The following CLNK variants were observed in gnomAD, a reference collection of about 807,000 sequenced individuals.
CLNK encodes the protein cytokine dependent hematopoietic cell linker.
Under a neutral mutation model 68.6 loss-of-function variants are expected in CLNK, and 74 were observed. That is an observed-to-expected ratio of 1.08 (90% CI 0.89 to 1.31). CLNK has a LOEUF of 1.31. Among genes scored for constraint, CLNK ranks in the 50% most tolerant of loss-of-function variants. The pLI is 0.00. For synonymous variants in CLNK, 198 were observed against 172.2 expected, an observed-to-expected ratio of 1.15 and a Z score of -1.17; for missense variants, 553 against 515.3, an observed-to-expected ratio of 1.07 and a Z score of -0.71.
At chr4:10,500,763 C>G (rs1054131280) in intron 18 of CLNK, among the ~76,000 whole-genome samples, 1 of 151,992 alleles carries the variant, frequency 6.6e-6, no homozygotes, top group Non-Finnish European at 1.5e-5. Flanking sequence ...ATGTTATTCA[C>G]GAATATTTTA....
rs1720035421 is a variant in CLNK at position 10,564,729 on chromosome 4, G to A, written c.341C>T (p.Thr114Ile). The A allele has an allele frequency of 6.2e-7, 1 of 1,613,704 alleles. No homozygotes were observed. Among genetic ancestry groups the A allele is most frequent in the African/African-American group, 1.3e-5 (1 of 74,908 alleles). ...VAMDTPLPLD[T>I]RTSISIGQPT... ...CTGTCCAATGGAGATAGAGGTCCTG[G>A]TGTCTAACGGAAGGGGAGTGTCCAT... Residue 114 changes from threonine to isoleucine, a missense_variant, in exon 7 of 19, where the codon ACC becomes ATC. Physicochemically the swap from Thr to Ile is moderately conservative, Grantham distance 89. Coordinates refer to ENST00000226951, the MANE Select transcript of CLNK (RefSeq NM_052964.4).
At chr4:10,568,825 G>GAGCCATT (rs1720224751) in intron 5 of CLNK, among the ~76,000 whole-genome samples, 1 of 152,176 alleles carries the variant, frequency 6.6e-6, no homozygotes, top group Non-Finnish European at 1.5e-5. Context: ...GTTGAGCCAT[G>GAGCCATT]CTGTGCCCAG....
intron 2 of CLNK, among the ~76,000 whole-genome samples, chr4:10,619,091 G>A (rs1184290711): frequency 1.3e-5 from 2 of 152,192 alleles, no homozygotes; most frequent in Non-Finnish European, 2.9e-5. Context: ...AAATCAGTGA[G>A]TAGCTCTGTG....
the CLNK span, among the ~76,000 whole-genome samples, chr4:10,702,698 T>C: frequency 6.6e-6 from 1 of 152,058 alleles, no homozygotes; most frequent in South Asian, 2.1e-4. Context: ...TGGATAGGAG[T>C]CTGGAATTCT....
At chr4:10,613,241 G>C (rs564361456) in intron 2 of CLNK, among the ~76,000 whole-genome samples, 237 of 152,286 alleles carry the variant, frequency 1.6e-3, no homozygotes, top group Middle Eastern at 3.4e-3. Context: ...GGGGGAATCA[G>C]AGTGCTGGGT....
chr4:10,497,816 C>T (rs1287978643), intron 18 of CLNK, among the ~76,000 whole-genome samples: 4 of 152,202 alleles, frequency 2.6e-5, no homozygotes, highest in Admixed American at 6.5e-5. Context: ...GGCCCAAGGC[C>T]CTGGCACATG....
intron 2 of CLNK, among the ~76,000 whole-genome samples, chr4:10,627,525 A>G (rs1577180044): frequency 6.6e-6 from 1 of 152,310 alleles, no homozygotes; most frequent in East Asian, 1.9e-4. Flanking sequence ...GATCCAAACA[A>G]CATTGCCACT....
intron 4 of CLNK, among the ~76,000 whole-genome samples, chr4:10,578,571 T>G (rs924807992): frequency 6.8e-6 from 1 of 147,374 alleles, no homozygotes; most frequent in Non-Finnish European, 1.5e-5. Context: ...GGACTTGGCT[T>G]ACCTTATCTT....
the CLNK span, among the ~76,000 whole-genome samples, chr4:10,728,453 G>T: frequency 2.0e-5 from 3 of 151,828 alleles, no homozygotes. Context: ...TTAGTGTTGA[G>T]AAATAACATG....
In CLNK at chr4:10,490,445, CA is replaced by C. The variant is rs1716519074; in HGVS notation, c.*21del. 2 of 1,607,960 alleles carry C rather than the reference CA, an allele frequency of 1.2e-6. No homozygotes were observed. Among genetic ancestry groups the C allele is most frequent in the East Asian group, 4.5e-5 (2 of 44,794 alleles). On this transcript the variant is annotated 3_prime_UTR_variant, in exon 19 of 19. Coordinates refer to ENST00000226951, the MANE Select transcript of CLNK (RefSeq NM_052964.4). ...AATGGAAGCGCTGAATCCAGTAAACCAAAGATAACACAAAGACCAGGCTACA... is the reference window on the plus strand; with the variant it reads ...AATGGAAGCGCTGAATCCAGTAAACCAAGATAACACAAAGACCAGGCTACA...
At chr4:10,557,129 C>G (rs1719706498) in intron 8 of CLNK, among the ~76,000 whole-genome samples, 1 of 144,486 alleles carries the variant, frequency 6.9e-6, no homozygotes. Context: ...ATGGAGAACT[C>G]AGGTTAGGGG....
chr4:10,585,201 T>A (rs1449543374), intron 3 of CLNK, among the ~76,000 whole-genome samples: 1 of 152,190 alleles, frequency 6.6e-6, no homozygotes, highest in Non-Finnish European at 1.5e-5. Flanking sequence ...AGGTTATATG[T>A]TGGTTATTCT....
intron 2 of CLNK, among the ~76,000 whole-genome samples, chr4:10,653,864 T>C (rs961872082): frequency 3.3e-5 from 5 of 152,144 alleles, no homozygotes; most frequent in Non-Finnish European, 7.4e-5. Context: ...TAAAAGAATA[T>C]TAGTGAACAA....
rs560873211 is a variant in CLNK, at chr4:10,599,902, C to T, written c.12-1853G>A. Among the ~76,000 whole-genome samples the T allele has an allele frequency of 2.6e-5, 4 of 152,304 alleles. No homozygotes were observed. The South Asian group carries it at 8.3e-4, about 32-fold the overall frequency. The stretch of plus-strand genomic sequence containing the variant: ...AGCTGCTTTCCTGGCCTCCTGGGTT[C>T]CAATCCATACGCCAAACTGGATCAA... On this transcript the variant is annotated intron_variant, in intron 2 of 18. Transcript: ENST00000226951.
the CLNK span, among the ~76,000 whole-genome samples, chr4:10,700,594 G>A: frequency 6.6e-6 from 1 of 152,164 alleles, no homozygotes; most frequent in Admixed American, 6.5e-5. Context: ...ATAGAAAAGA[G>A]AAGGATTTCT....
intron 2 of CLNK, among the ~76,000 whole-genome samples, chr4:10,627,072 C>G (rs1722703374): frequency 6.6e-6 from 1 of 152,190 alleles, no homozygotes. Context: ...GCAGCTTTCC[C>G]TTTAAGTCTT....
the CLNK span, among the ~76,000 whole-genome samples, chr4:10,692,567 T>C: frequency 3.4e-3 from 514 of 152,294 alleles, 3 homozygotes; most frequent in African/African-American, 0.012. Flanking sequence ...ACTAAGATCC[T>C]AAGAAGGAGA....
intron 16 of CLNK, 122 bp downstream of exon 16, chr4:10,513,342 A>G (rs1717681109): frequency 8.3e-6 from 7 of 847,414 alleles, no homozygotes; most frequent in Non-Finnish European, 1.1e-5. Context: ...CCAGTAACAT[A>G]TAGCCAGAAG....
chr4:10,505,228 A>T (rs1310105300), intron 17 of CLNK, among the ~76,000 whole-genome samples: 2 of 152,172 alleles, frequency 1.3e-5, no homozygotes, highest in Admixed American at 1.3e-4. Context: ...GTCCTCAAGG[A>T]GCTGCATCAG....
Sources: allele counts gnomAD v4.1 joint callset (sites outside exome capture counted in the v4.1 genomes callset), GRCh38; gene constraint gnomAD v4.1.1; transcripts MANE v1.5; gene names NCBI Gene and HGNC (gene_info 2026-07-23, HGNC 2026-07-21).